The following INO80D variants were observed in gnomAD, a reference collection of about 807,000 sequenced individuals.
The protein encoded by INO80D is INO80 complex subunit D.
Under a neutral mutation model 87.6 loss-of-function variants are expected in INO80D, and 21 were observed. That is an observed-to-expected ratio of 0.24 (90% CI 0.17 to 0.35). The LOEUF is 0.35. Among genes scored for constraint, INO80D ranks in the 10% least tolerant of loss-of-function variants. The probability of loss-of-function intolerance (pLI) is 1.00; values close to 1 mark genes in which losing one functional copy is unlikely to be tolerated. For synonymous variants in INO80D, 440 were observed against 491.0 expected (o/e 0.90, Z 1.37); for missense variants, 982 against 1,280.7 (o/e 0.77, Z 3.56).
chr2:206,060,330 C>G (rs1164677399), intron 3 of INO80D, among the ~76,000 whole-genome samples: 2 of 151,918 alleles, frequency 1.3e-5, no homozygotes, highest in East Asian at 3.9e-4. Flanking sequence ...GTCAGGAGTT[C>G]GAGACCAGCC....
intron 5 of INO80D, among the ~76,000 whole-genome samples, chr2:206,030,977 T>G (rs1688750091): frequency 6.6e-6 from 1 of 152,134 alleles, no homozygotes; most frequent in Non-Finnish European, 1.5e-5. Context: ...TCTGCATGTA[T>G]AAAGACAAGC....
chr2:206,044,760 A>C (rs1372274647), intron 5 of INO80D, among the ~76,000 whole-genome samples: 4 of 152,218 alleles, frequency 2.6e-5, no homozygotes, highest in African/African-American at 9.6e-5. Flanking sequence ...AATTAAATTA[A>C]GAATGATAAC....
Position 206,077,046 on chromosome 2 carries a change from G to A in INO80D, c.-124+8855C>T, listed in dbSNP as rs561412919. ...CCCAGCACTTTGGGAGGCCAAGGCG[G>A]GTGGATCACGAGGTCAGGAGATCGA... On this transcript the variant is annotated intron_variant, in intron 1 of 10. Transcript: ENST00000403263. Among the ~76,000 whole-genome samples, 13 of 152,244 alleles carry A rather than the reference G, an allele frequency of 8.5e-5. No individual in the cohort carries two copies. The East Asian group carries it at 1.9e-3, about 23-fold the overall frequency.
In INO80D at chr2:206,056,251, A is replaced by G; in HGVS notation, c.911T>C (p.Val304Ala). 3 of 1,611,144 alleles carry G rather than the reference A, an allele frequency of 1.9e-6. No homozygotes were observed. Among genetic ancestry groups the G allele is most frequent in the Non-Finnish European group, 2.5e-6 (3 of 1,178,874 alleles). The change falls in exon 4 of 11, where the codon GTG becomes GCG. Residue 304 changes from valine to alanine, a missense_variant. Transcript: ENST00000403263. ...FSCISRLQRL[V>A]KLCTQKHQLD... ...CTGATGTTTCTGGGTGCACAGTTTC[A>G]CCAGTCTCTGCAGTCGGCTTATACA... is the stretch of plus-strand genomic sequence containing the variant.
intron 5 of INO80D, chr2:206,040,654 G>T: frequency 4.3e-6 from 1 of 230,962 alleles, no homozygotes; most frequent in Non-Finnish European, 9.4e-6. Flanking sequence ...TTTTGTGAAG[G>T]TTTATAACTA....
chr2:206,019,926 TC>T, intron 6 of INO80D, 81 bp from the exon 7 acceptor site: 1 of 877,390 alleles, frequency 1.1e-6, no homozygotes, highest in Non-Finnish European at 1.9e-6. Context: ...ATGTCACAAC[TC>T]TGTAACACTC....
chr2:206,084,507 AT>A (rs1295637355), intron 1 of INO80D: 5 of 152,116 alleles, frequency 3.3e-5, no homozygotes, highest in Non-Finnish European at 7.3e-5. Context: ...CCTCCTCCCA[AT>A]CCCGGAGGCT....
At position 206,020,174 on chromosome 2, in the gene INO80D, C is replaced by T. The variant is rs962897077; in HGVS notation, c.1299-329G>A. Among the ~76,000 whole-genome samples, 25 of 151,920 alleles carry T rather than the reference C, an allele frequency of 1.6e-4. No individual in the cohort carries two copies. The Middle Eastern group carries it at 0.014, about 83-fold the overall frequency. ...GTGATGAAGAACATGAGAGAAGAAT[C>T]AGATGGACCTGGTTTTGAATCTCAG... On this transcript the variant is annotated intron_variant, in intron 6 of 10. Coordinates refer to ENST00000403263, the MANE Select transcript of INO80D (RefSeq NM_017759.5).
chr2:206,012,183 C>T (rs910072178), intron 8 of INO80D, among the ~76,000 whole-genome samples: 1 of 152,156 alleles, frequency 6.6e-6, no homozygotes, highest in Non-Finnish European at 1.5e-5. Context: ...AATTCCCTTT[C>T]TATGACATTC....
chr2:205,998,658 T>C lies in INO80D; in HGVS notation c.*5710A>G, dbSNP rs1687851453. ...GAAGGAAATTTTTAAATAAAAGTTT[T>C]AAAGCTGTGCGTGATGGGAAAGGAT... On this transcript the variant is annotated 3_prime_UTR_variant, in exon 11 of 11. Transcript: ENST00000403263. The C allele has an allele frequency of 6.6e-6, 1 of 152,108 alleles. No individual in the cohort carries two copies. Among genetic ancestry groups the C allele is most frequent in the African/African-American group, 2.4e-5 (1 of 41,400 alleles). The allele number at this position is 152,108 out of a possible 1,614,324, so 9.4% of individuals were successfully genotyped here.
At chr2:206,020,412 C>T (rs917851123) in intron 6 of INO80D, among the ~76,000 whole-genome samples, 10 of 152,066 alleles carry the variant, frequency 6.6e-5, no homozygotes, top group African/African-American at 1.7e-4. Context: ...CTATGATTAT[C>T]GCCACCATTA....
chr2:206,075,530 A>G (rs1452153324), intron 1 of INO80D, among the ~76,000 whole-genome samples: 1 of 150,554 alleles, frequency 6.6e-6, no homozygotes, highest in Non-Finnish European at 1.5e-5. Context: ...TCTGCTGCCC[A>G]TTTTCAAGTG....
At chr2:206,029,790 C>A (rs918294025) in intron 5 of INO80D, among the ~76,000 whole-genome samples, 1 of 151,994 alleles carries the variant, frequency 6.6e-6, no homozygotes, top group Non-Finnish European at 1.5e-5. Context: ...GAAGAGAGAC[C>A]AACATTTCAA....
At chr2:206,006,288 G>A (rs1183297003) in intron 10 of INO80D, among the ~76,000 whole-genome samples, 1 of 152,166 alleles carries the variant, frequency 6.6e-6, no homozygotes, top group African/African-American at 2.4e-5. Flanking sequence ...CTGAAAGCAT[G>A]GGGGAATTGG....
chr2:206,061,364 A>G (rs1027041382), intron 3 of INO80D, among the ~76,000 whole-genome samples: 5 of 152,234 alleles, frequency 3.3e-5, no homozygotes, highest in African/African-American at 1.2e-4. Flanking sequence ...AAAATCCAAC[A>G]CTGACAACTG....
chr2:206,009,905 T>C lies in INO80D; in HGVS notation c.1543-111A>G, dbSNP rs1212851311. On this transcript the variant is annotated intron_variant, in intron 8 of 10. Transcript: ENST00000403263. Reference sequence around the variant, plus strand: ...ATTCTATATAATGCCTAAAACATACTGGATGCCCAAAACTATGTATAACAA... The same window carrying C: ...ATTCTATATAATGCCTAAAACATACCGGATGCCCAAAACTATGTATAACAA... 3 of 786,784 alleles carry C rather than the reference T, an allele frequency of 3.8e-6. No individual in the cohort carries two copies. The African/African-American group carries it at 5.3e-5, about 14-fold the overall frequency. 48.7% of individuals were successfully genotyped at this position (786,784 alleles called of 1,614,324 possible).
chr2:206,082,540 G>A (rs1430440402), intron 1 of INO80D, among the ~76,000 whole-genome samples: 1 of 152,200 alleles, frequency 6.6e-6, no homozygotes, highest in Non-Finnish European at 1.5e-5. Flanking sequence ...CTCTATTGCT[G>A]TTTGTTTTGC....
intron 1 of INO80D, among the ~76,000 whole-genome samples, chr2:206,084,276 C>CCG (rs1690372764): frequency 1.3e-5 from 2 of 149,144 alleles, no homozygotes; most frequent in African/African-American, 4.9e-5. Context: ...CACACACACC[C>CCG]CAAAACCAAA....
chr2:206,031,000 C>T lies in INO80D; in HGVS notation c.1074-2665G>A, dbSNP rs542118480. Reference sequence around the variant, plus strand: ...TATAAAGACAAGCTTTGTCAGCTGGCAAGGACCAGAGAAGGGACAATAAGC... The same window carrying T: ...TATAAAGACAAGCTTTGTCAGCTGGTAAGGACCAGAGAAGGGACAATAAGC... On this transcript the variant is annotated intron_variant, in intron 5 of 10. Coordinates refer to ENST00000403263, the MANE Select transcript of INO80D (RefSeq NM_017759.5). 4.6e-5 allele frequency among the ~76,000 whole-genome samples: 7 copies of T among 152,162 alleles called. No individual in the cohort carries two copies. The South Asian group carries it at 1.5e-3, about 32-fold the overall frequency.
Sources: allele counts gnomAD v4.1 joint callset (sites outside exome capture counted in the v4.1 genomes callset), GRCh38; gene constraint gnomAD v4.1.1; transcripts MANE v1.5; gene names NCBI Gene and HGNC (gene_info 2026-07-23, HGNC 2026-07-21).